Variants in ADK observed in about 807,000 individuals in gnomAD.
ADK encodes N6,N6-dimethyladenosine kinase.
ADK carries 24 observed loss-of-function variants against 44.7 expected under a neutral mutation model. That is an observed-to-expected ratio of 0.54 (90% CI 0.39 to 0.76). The LOEUF (loss-of-function observed/expected upper bound fraction) is 0.76, where lower values mean the gene tolerates loss of function less well. Ranked by LOEUF, ADK falls within the 30% of genes least tolerant of loss-of-function variation. ADK has a pLI of 0.00. For synonymous variants in ADK, 128 were observed against 142.6 expected (o/e 0.90, Z 0.73); for missense variants, 321 against 425.1 (o/e 0.76, Z 2.15).
chr10:74,364,640 C>G (rs1168595226), intron 4 of ADK, among the ~76,000 whole-genome samples: 1 of 151,410 alleles, frequency 6.6e-6, no homozygotes, highest in African/African-American at 2.4e-5. Context: ...TCTTACAGCT[C>G]TTCTAATGTT....
chr10:74,249,774 G>A (rs180760525), intron 3 of ADK, among the ~76,000 whole-genome samples: 8 of 152,214 alleles, frequency 5.3e-5, no homozygotes, highest in Admixed American at 2.0e-4. Context: ...GGGTTTTCCC[G>A]TTATCCTGTC....
intron 1 of ADK, among the ~76,000 whole-genome samples, chr10:74,179,068 C>T (rs1034335505): frequency 1.3e-5 from 2 of 152,134 alleles, no homozygotes; most frequent in African/African-American, 4.8e-5. Flanking sequence ...TATCCTGCAA[C>T]GAACTTGATA....
chr10:74,163,657 T>C (rs1405352878), intron 1 of ADK, among the ~76,000 whole-genome samples: 2 of 152,208 alleles, frequency 1.3e-5, no homozygotes, highest in Non-Finnish European at 2.9e-5. Flanking sequence ...CAAATTCAGA[T>C]GTCTTAGGTT....
At chr10:74,480,987 T>C (rs1189584040) in intron 6 of ADK, among the ~76,000 whole-genome samples, 1 of 152,214 alleles carries the variant, frequency 6.6e-6, no homozygotes. Flanking sequence ...CTCTTTGTTA[T>C]GTCTTTCTTC....
chr10:74,462,812 T>G (rs1396087941), intron 6 of ADK, among the ~76,000 whole-genome samples: 1 of 152,200 alleles, frequency 6.6e-6, no homozygotes, highest in Non-Finnish European at 1.5e-5. Flanking sequence ...GGGCTTTTTA[T>G]GAAAAATACC....
intron 9 of ADK, among the ~76,000 whole-genome samples, chr10:74,617,551 C>T (rs1485362524): frequency 6.6e-6 from 1 of 152,052 alleles, no homozygotes; most frequent in African/African-American, 2.4e-5. Context: ...CCAACATTGA[C>T]ATATCTTTTT....
At chr10:74,466,229 G>A (rs1025719862) in intron 6 of ADK, among the ~76,000 whole-genome samples, 4 of 152,076 alleles carry the variant, frequency 2.6e-5, no homozygotes, top group South Asian at 2.1e-4. Flanking sequence ...GAGAAGAAAT[G>A]CATACAGCTG....
At chr10:74,263,834 C>A (rs140610728) in intron 3 of ADK, among the ~76,000 whole-genome samples, 1 of 152,044 alleles carries the variant, frequency 6.6e-6, no homozygotes. Context: ...TGTTAATGCA[C>A]GTAATTTATA....
At chr10:74,453,187 G>C (rs1845833245) in intron 6 of ADK, among the ~76,000 whole-genome samples, 1 of 151,968 alleles carries the variant, frequency 6.6e-6, no homozygotes. Context: ...ATGCCATCCA[G>C]ATGTTTTATT....
intron 9 of ADK, among the ~76,000 whole-genome samples, chr10:74,626,771 TC>T (rs1199321576): frequency 2.6e-5 from 4 of 152,220 alleles, no homozygotes; most frequent in Non-Finnish European, 4.4e-5. Context: ...TGTTTAAATA[TC>T]TAGAGGGTAT....
chr10:74,600,546 C>CAA lies in ADK; in HGVS notation c.877+61_877+62dup, dbSNP rs200627441. The CAA allele has an allele frequency of 2.0e-3, 2,318 of 1,157,944 alleles. 6 individuals carry two copies. Among genetic ancestry groups the CAA allele is most frequent in the Non-Finnish European group, 2.0e-3 (1,651 of 811,012 alleles). 71.7% of individuals were successfully genotyped at this position (1,157,944 alleles called of 1,614,324 possible). On this transcript the variant is annotated intron_variant, in intron 9 of 10. Transcript: ENST00000539909. ...TAGTATTATGGAGATTAATCAATTA[C>CAA]AAAAAAAAATTCTGTATTCTTTCTA... is the stretch of plus-strand genomic sequence containing the variant.
At chr10:74,463,717 T>A (rs1404277177) in intron 6 of ADK, among the ~76,000 whole-genome samples, 3 of 152,198 alleles carry the variant, frequency 2.0e-5, no homozygotes, top group Non-Finnish European at 4.4e-5. Flanking sequence ...TTTTTCTTTT[T>A]TCTCATTGTT....
At chr10:74,286,409 C>G (rs1247964810) in intron 3 of ADK, among the ~76,000 whole-genome samples, 2 of 152,158 alleles carry the variant, frequency 1.3e-5, no homozygotes, top group East Asian at 1.9e-4. Flanking sequence ...ATCAATTTAT[C>G]AAGGCTTTAC....
chr10:74,633,935 A>C (rs1853527946), intron 9 of ADK, among the ~76,000 whole-genome samples: 2 of 152,216 alleles, frequency 1.3e-5, no homozygotes, highest in Non-Finnish European at 2.9e-5. Flanking sequence ...AAATTTCAGA[A>C]AGGAGAAAAA....
chr10:74,176,751 G>T, intron 1 of ADK: 2 of 1,543,960 alleles, frequency 1.3e-6, no homozygotes, highest in East Asian at 4.7e-5. Flanking sequence ...GGGTGTGTGA[G>T]GACGCGCTCC....
At chr10:74,246,327 C>A (rs562302645) in intron 3 of ADK, among the ~76,000 whole-genome samples, 2 of 152,264 alleles carry the variant, frequency 1.3e-5, no homozygotes, top group African/African-American at 4.8e-5. Context: ...GACAAAGTTA[C>A]AACAAATTTA....
chr10:74,635,339 A>G (rs1345628249), intron 9 of ADK, among the ~76,000 whole-genome samples: 2 of 152,266 alleles, frequency 1.3e-5, no homozygotes, highest in African/African-American at 4.8e-5. Flanking sequence ...GTGCTGAAAC[A>G]AAACTGTCAA....
At chr10:74,571,537 A>G (rs976793417) in intron 7 of ADK, among the ~76,000 whole-genome samples, 5 of 152,080 alleles carry the variant, frequency 3.3e-5, no homozygotes, top group African/African-American at 4.8e-5. Flanking sequence ...GTGTCGAGGG[A>G]TTTATTCATT....
At chr10:74,285,989 A>T (rs952140617) in intron 3 of ADK, among the ~76,000 whole-genome samples, 5 of 152,194 alleles carry the variant, frequency 3.3e-5, no homozygotes, top group Non-Finnish European at 5.9e-5. Context: ...TAAGGTCTTA[A>T]TAGTCTCTGA....
Sources: gnomAD v4.1 joint callset for allele counts (sites outside exome capture counted in the v4.1 genomes callset) on GRCh38, gnomAD v4.1.1 for gene constraint, MANE v1.5 for transcripts, NCBI Gene and HGNC (gene_info 2026-07-23, HGNC 2026-07-21) for gene names.